RBPJ: variants seen among roughly 807,000 people sequenced by gnomAD.
RBPJ encodes recombination signal binding protein for immunoglobulin kappa J region.
In RBPJ, 9 loss-of-function variants were observed where a neutral mutation model predicts 67.8. The ratio of observed to expected loss-of-function variants is 0.13; its 90% CI spans 0.08 to 0.23. The LOEUF is 0.23. Ranked by LOEUF, RBPJ falls within the 10% of genes least tolerant of loss-of-function variation. The pLI, the probability that RBPJ is intolerant of heterozygous loss-of-function variation, is 1.00. For missense variants in RBPJ, 305 were observed against 595.6 expected (o/e 0.51, Z 5.08); for synonymous variants, 198 against 203.3 (o/e 0.97, Z 0.22).
chr4:26,206,657 C>T (rs1718178607), intron 1 of RBPJ, among the ~76,000 whole-genome samples: 1 of 151,542 alleles, frequency 6.6e-6, no homozygotes, highest in Admixed American at 6.6e-5. Context: ...TCAACAAATG[C>T]CATTGTTTAT....
At chr4:26,188,013 C>A (rs553663818) in intron 1 of RBPJ, among the ~76,000 whole-genome samples, 1 of 151,948 alleles carries the variant, frequency 6.6e-6, no homozygotes, top group Non-Finnish European at 1.5e-5. Context: ...GGCAACAGAG[C>A]GAGACTCTGT....
chr4:26,269,830 C>A (rs1720820093), intron 1 of RBPJ, among the ~76,000 whole-genome samples: 1 of 151,896 alleles, frequency 6.6e-6, no homozygotes, highest in Non-Finnish European at 1.5e-5. Flanking sequence ...AGAAAAGAGT[C>A]AAAACTGGCA....
chr4:26,299,032 T>C (rs531151807), intron 1 of RBPJ, among the ~76,000 whole-genome samples: 40 of 152,216 alleles, frequency 2.6e-4, no homozygotes, highest in African/African-American at 9.2e-4. Flanking sequence ...GGCAGCAACT[T>C]GTTTCTCTCC....
intron 1 of RBPJ, among the ~76,000 whole-genome samples, chr4:26,167,202 C>CT (rs1716351678): frequency 6.6e-6 from 1 of 152,042 alleles, no homozygotes; most frequent in African/African-American, 2.4e-5. Context: ...GATGCAGGCT[C>CT]TTTTTTGGTT....
chr4:26,404,792 A>G (rs1012394413), intron 2 of RBPJ, among the ~76,000 whole-genome samples: 1 of 152,064 alleles, frequency 6.6e-6, no homozygotes, highest in East Asian at 1.9e-4. Context: ...TATTCACACT[A>G]TTATCAGGCC....
chr4:26,227,340 C>T (rs2109199370), intron 1 of RBPJ, among the ~76,000 whole-genome samples: 1 of 152,318 alleles, frequency 6.6e-6, no homozygotes, highest in East Asian at 1.9e-4. Context: ...GGCAACCCGG[C>T]TAGTTGCCCA....
At chr4:26,341,323 G>C (rs1305356936) in intron 1 of RBPJ, among the ~76,000 whole-genome samples, 1 of 152,078 alleles carries the variant, frequency 6.6e-6, no homozygotes, top group East Asian at 1.9e-4. Flanking sequence ...GTAAAAGACA[G>C]CTGACCACTG....
upstream of RBPJ, among the ~76,000 whole-genome samples, chr4:26,316,511 A>ATATATATATTCATG: frequency 4.1e-4 from 1 of 2,450 alleles, no homozygotes; most frequent in East Asian, 0.024. Context: ...ATATATATTC[A>ATATATATATTCATG]TATATATTCA....
At chr4:26,213,355 A>C (rs1351439741) in intron 1 of RBPJ, among the ~76,000 whole-genome samples, 2 of 152,216 alleles carry the variant, frequency 1.3e-5, no homozygotes. Context: ...TCATTGTTAT[A>C]ATTCAAGGGC....
intron 3 of RBPJ, among the ~76,000 whole-genome samples, chr4:26,412,594 G>C (rs1734149491): frequency 6.6e-6 from 1 of 151,952 alleles, no homozygotes; most frequent in African/African-American, 2.4e-5. Context: ...CCAAGGTCTG[G>C]GGAAAAAAAA....
In RBPJ at chr4:26,414,358, G is replaced by A. The variant is rs1166006175; in HGVS notation, c.156-1117G>A. Among the ~76,000 whole-genome samples, 3 of 152,188 alleles carry A rather than the reference G, an allele frequency of 2.0e-5. No individual in the cohort carries two copies. In the East Asian group the frequency reaches 5.8e-4, roughly 29 times the overall value. ...TAATTTTTGTATTTTTTGTAGACAT[G>A]AGGTTTAGCCATGTTGCCCAGGCTG... On this transcript the variant is annotated intron_variant, in intron 3 of 10. Coordinates refer to ENST00000355476, the MANE Select transcript of RBPJ (RefSeq NM_015874.6).
intron 1 of RBPJ, among the ~76,000 whole-genome samples, chr4:26,312,353 G>T (rs1036267527): frequency 1.3e-5 from 2 of 152,020 alleles, no homozygotes; most frequent in African/African-American, 2.4e-5. Flanking sequence ...AGATGGTCTC[G>T]ATCTCCTGAC....
intron 1 of RBPJ, among the ~76,000 whole-genome samples, chr4:26,359,281 G>T (rs1727749132): frequency 6.6e-6 from 1 of 152,122 alleles, no homozygotes. Context: ...ATATTACCAT[G>T]TTATTTCAGT....
intron 1 of RBPJ, among the ~76,000 whole-genome samples, chr4:26,360,464 G>A (rs1057380871): frequency 2.6e-5 from 4 of 152,116 alleles, no homozygotes; most frequent in Admixed American, 6.6e-5. Flanking sequence ...TGCGGGCTTT[G>A]GTGGTAAAGT....
At chr4:26,124,673 A>G in the RBPJ span, among the ~76,000 whole-genome samples, 1 of 151,600 alleles carries the variant, frequency 6.6e-6, no homozygotes, top group African/African-American at 2.4e-5. Context: ...ACTTTTTTCC[A>G]TAGTGATTAT....
chr4:26,303,558 A>C (rs578072038), intron 1 of RBPJ, among the ~76,000 whole-genome samples: 2 of 152,042 alleles, frequency 1.3e-5, no homozygotes, highest in South Asian at 4.2e-4. Flanking sequence ...TTTTCTATAG[A>C]GTTTATTTTA....
intron 1 of RBPJ, among the ~76,000 whole-genome samples, chr4:26,244,323 A>ATACACATGTG (rs1719813452): frequency 1.5e-5 from 2 of 137,446 alleles, no homozygotes; most frequent in African/African-American, 2.8e-5. Context: ...GTGTATATGT[A>ATACACATGTG]TACACATATG....
At chr4:26,257,474 A>ATT (rs1256000818) in intron 1 of RBPJ, among the ~76,000 whole-genome samples, 3 of 152,342 alleles carry the variant, frequency 2.0e-5, no homozygotes, top group Admixed American at 2.0e-4. Context: ...TATTAAAAAT[A>ATT]CAAAATTTGC....
At chr4:26,378,274 G>T (rs1334523461) in intron 1 of RBPJ, among the ~76,000 whole-genome samples, 2 of 152,170 alleles carry the variant, frequency 1.3e-5, no homozygotes, top group African/African-American at 2.4e-5. Context: ...TTTGATGTCA[G>T]TTTGTCTCAT....
Sources: gnomAD v4.1 joint callset for allele counts (sites outside exome capture counted in the v4.1 genomes callset) on GRCh38, gnomAD v4.1.1 for gene constraint, MANE v1.5 for transcripts, NCBI Gene and HGNC (gene_info 2026-07-23, HGNC 2026-07-21) for gene names.